Variants in SLC4A7 observed in about 807,000 individuals in gnomAD.
SLC4A7 encodes solute carrier family 4 member 7.
A neutral mutation model predicts 137.6 loss-of-function variants in SLC4A7; 51 were observed. The ratio of observed to expected loss-of-function variants is 0.37; its 90% CI spans 0.30 to 0.47. The LOEUF (loss-of-function observed/expected upper bound fraction) is 0.47. Ranked by LOEUF, SLC4A7 falls within the 20% of genes least tolerant of loss-of-function variation. The probability of loss-of-function intolerance (pLI) is 1.00; values close to 1 mark genes in which losing one functional copy is unlikely to be tolerated. For synonymous variants in SLC4A7, 542 were observed against 518.6 expected, an observed-to-expected ratio of 1.05 and a Z score of -0.61; for missense variants, 1,247 against 1,525.4, an observed-to-expected ratio of 0.82 and a Z score of 3.04.
At chr3:27,391,533 A>G (rs2051556618) in intron 21 of SLC4A7, among the ~76,000 whole-genome samples, 2 of 152,226 alleles carry the variant, frequency 1.3e-5, no homozygotes, top group South Asian at 4.1e-4. Context: ...GGTAAGGACC[A>G]TGTCAGCTCA....
Position 27,419,636 on chromosome 3 carries a change from A to G in SLC4A7, c.1513-1004T>C, listed in dbSNP as rs2054749686. On this transcript the variant is annotated intron_variant, in intron 10 of 25. Transcript: ENST00000454389. Reference sequence around the variant, plus strand: ...CAGGAGTGAGCCACTGCGCCCGGCCAAAAGTTTAAATTTAAATTTCACTAT... The same window carrying G: ...CAGGAGTGAGCCACTGCGCCCGGCCGAAAGTTTAAATTTAAATTTCACTAT... Among the ~76,000 whole-genome samples, 3 of 150,772 alleles carry G rather than the reference A, an allele frequency of 2.0e-5. No homozygotes were observed. In the South Asian group the frequency reaches 6.4e-4, roughly 32 times the overall value.
rs570915453 is a variant in SLC4A7 at position 27,380,542 on chromosome 3, C to G, written c.3591-1186G>C. Among the ~76,000 whole-genome samples, 33 of 152,128 alleles carry G rather than the reference C, an allele frequency of 2.2e-4. 1 individual carries two copies. The South Asian group carries it at 6.7e-3, about 31-fold the overall frequency. The stretch of plus-strand genomic sequence containing the variant: ...CTTGGATTAAAAAAATACATTCAGA[C>G]AAACAAGATACAAATACAAATGTCA... On this transcript the variant is annotated intron_variant, in intron 24 of 25. Transcript: ENST00000454389.
intron 12 of SLC4A7, among the ~76,000 whole-genome samples, chr3:27,410,130 A>G (rs2053763926): frequency 1.3e-5 from 2 of 152,228 alleles, no homozygotes; most frequent in Admixed American, 6.5e-5. Context: ...TAATATGTAC[A>G]TTAATAAAAC....
chr3:27,460,398 T>C (rs2150615940), intron 1 of SLC4A7, among the ~76,000 whole-genome samples: 1 of 152,264 alleles, frequency 6.6e-6, no homozygotes, highest in East Asian at 1.9e-4. Context: ...AATAAAGCCT[T>C]CTAAGCTCTG....
Position 27,433,939 on chromosome 3 carries a change from T to A in SLC4A7, c.755A>T (p.Asp252Val). 1 of 1,613,586 alleles carries A rather than the reference T, an allele frequency of 6.2e-7. No homozygotes were observed. Among genetic ancestry groups the A allele is most frequent in the Non-Finnish European group, 8.5e-7 (1 of 1,179,814 alleles). The change falls in exon 6 of 26, where the codon GAC becomes GTC. Residue 252 changes from aspartate to valine, a missense_variant. Coordinates refer to ENST00000454389, the MANE Select transcript of SLC4A7 (RefSeq NM_001321103.2). ...SFADIGKKHS[D>V]PHLLERNGEG... ...ACCATTCCTTTCAAGCAAGTGAGGGTCAGAATGTTTCTTGCCTATATCTGC... is the reference window on the plus strand; with the variant it reads ...ACCATTCCTTTCAAGCAAGTGAGGGACAGAATGTTTCTTGCCTATATCTGC...
chr3:27,427,710 C>G (rs1576395069), intron 7 of SLC4A7, among the ~76,000 whole-genome samples: 1 of 152,102 alleles, frequency 6.6e-6, no homozygotes, highest in East Asian at 1.9e-4. Flanking sequence ...AGTAATTGAA[C>G]AGAGAATCAT....
intron 22 of SLC4A7, among the ~76,000 whole-genome samples, chr3:27,387,889 CAT>C (rs1258380778): frequency 1.3e-5 from 2 of 152,196 alleles, no homozygotes; most frequent in African/African-American, 4.8e-5. Context: ...CCCACCCCCA[CAT>C]ACTGCCTCTG....
chr3:27,441,571 C>T (rs1197458575), intron 3 of SLC4A7, among the ~76,000 whole-genome samples: 1 of 152,036 alleles, frequency 6.6e-6, no homozygotes, highest in Non-Finnish European at 1.5e-5. Context: ...TGGCTCACTG[C>T]GGCCTCAAAC....
chr3:27,377,272 C>A (rs922574601), intron 25 of SLC4A7, among the ~76,000 whole-genome samples: 2 of 152,076 alleles, frequency 1.3e-5, no homozygotes, highest in African/African-American at 4.8e-5. Context: ...TAAAACTTCT[C>A]ACCCCAAATT....
At chr3:27,438,844 T>C (rs1384157431) in intron 3 of SLC4A7, among the ~76,000 whole-genome samples, 2 of 152,198 alleles carry the variant, frequency 1.3e-5, no homozygotes, top group Non-Finnish European at 2.9e-5. Flanking sequence ...ACAGAAACTG[T>C]CTTTTCCTAC....
intron 7 of SLC4A7, among the ~76,000 whole-genome samples, chr3:27,425,697 A>T (rs2055532385): frequency 6.6e-6 from 1 of 150,616 alleles, no homozygotes; most frequent in African/African-American, 2.4e-5. Flanking sequence ...AAAAAAAAAA[A>T]AAAAAAAAAT....
At chr3:27,460,542 G>A (rs1206208686) in intron 1 of SLC4A7, among the ~76,000 whole-genome samples, 2 of 152,100 alleles carry the variant, frequency 1.3e-5, no homozygotes, top group Non-Finnish European at 2.9e-5. Flanking sequence ...AATCCCTACT[G>A]CTCACAAGAG....
intron 7 of SLC4A7, among the ~76,000 whole-genome samples, chr3:27,427,661 G>T (rs925541838): frequency 6.6e-6 from 1 of 151,856 alleles, no homozygotes; most frequent in African/African-American, 2.4e-5. Flanking sequence ...AGGCATCAAG[G>T]AAACTCCATT....
intron 3 of SLC4A7, among the ~76,000 whole-genome samples, chr3:27,442,737 C>T (rs2057299955): frequency 6.6e-6 from 1 of 152,084 alleles, no homozygotes; most frequent in Non-Finnish European, 1.5e-5. Flanking sequence ...GGCACGCGGA[C>T]ACTTTGAAAG....
chr3:27,465,595 A>G (rs2058943675), intron 1 of SLC4A7, among the ~76,000 whole-genome samples: 1 of 152,154 alleles, frequency 6.6e-6, no homozygotes, highest in African/African-American at 2.4e-5. Flanking sequence ...TACACAGCTT[A>G]AAATTCTAAT....
chr3:27,443,013 T>C (rs2057321286), intron 3 of SLC4A7, among the ~76,000 whole-genome samples: 1 of 147,488 alleles, frequency 6.8e-6, no homozygotes, highest in Non-Finnish European at 1.5e-5. Flanking sequence ...GCGCTGGGCA[T>C]TCTCTTTTTT....
intron 18 of SLC4A7, among the ~76,000 whole-genome samples, chr3:27,396,192 A>T (rs375152782): frequency 6.6e-6 from 1 of 152,308 alleles, no homozygotes; most frequent in Admixed American, 6.5e-5. Context: ...CAGGTAATTC[A>T]ATCTTTCCAC....
At chr3:27,421,569 A>G in intron 9 of SLC4A7, 53 bp downstream of exon 9, 1 of 1,386,632 alleles carries the variant, frequency 7.2e-7, no homozygotes, top group South Asian at 1.5e-5. Context: ...TGGATTAAAA[A>G]CTTGTAGATT....
intron 9 of SLC4A7, 96 bp downstream of exon 9, chr3:27,421,526 T>C (rs1440993889): frequency 1.0e-6 from 1 of 966,522 alleles, no homozygotes; most frequent in African/African-American, 1.6e-5. Flanking sequence ...AAATAAGCTT[T>C]TATTACATAA....
Sources: allele counts gnomAD v4.1 joint callset (sites outside exome capture counted in the v4.1 genomes callset), GRCh38; gene constraint gnomAD v4.1.1; transcripts MANE v1.5; gene names NCBI Gene and HGNC (gene_info 2026-07-23, HGNC 2026-07-21).